AKTIP: variants seen among roughly 807,000 people sequenced by gnomAD.
The protein encoded by AKTIP is AKT interacting protein, also known as AKT-interacting protein.
A neutral mutation model predicts 39.1 loss-of-function variants in AKTIP; 16 were observed. The ratio of observed to expected loss-of-function variants is 0.41; its 90% confidence interval spans 0.28 to 0.62. The LOEUF (loss-of-function observed/expected upper bound fraction) is 0.62, where lower values mean the gene tolerates loss of function less well. Among genes scored for constraint, AKTIP ranks in the 20% least tolerant of loss-of-function variants. The probability of loss-of-function intolerance (pLI) is 0.32; values close to 1 mark genes in which losing one functional copy is unlikely to be tolerated. For synonymous variants in AKTIP, 93 were observed against 124.3 expected (o/e 0.75, Z 1.67); for missense variants, 262 against 356.6 (o/e 0.73, Z 2.14).
intron 8 of AKTIP, chr16:53,493,838 A>G (rs970473425): frequency 3.0e-5 from 10 of 331,374 alleles, no homozygotes; most frequent in Non-Finnish European, 5.6e-5. Flanking sequence ...TCCAGCTAAA[A>G]CTGCCAGCTG....
At chr16:53,503,770 G>A (rs919203810), upstream of AKTIP, among the ~76,000 whole-genome samples, 3 of 152,350 alleles carry the variant, frequency 2.0e-5, no homozygotes, top group Non-Finnish European at 4.4e-5. Flanking sequence ...AGGCCGCCAC[G>A]TCGGGCCCAC....
intron 2 of AKTIP, among the ~76,000 whole-genome samples, chr16:53,499,450 T>TTG (rs1491583969): frequency 0.015 from 601 of 39,554 alleles, 2 homozygotes; most frequent in African/African-American, 0.11. Context: ...GAGATTATAG[T>TTG]TTTTTTTTTT....
At chr16:53,495,420 C>G in intron 3 of AKTIP, 94 bp from the exon 4 acceptor site, 1 of 1,196,506 alleles carries the variant, frequency 8.4e-7, no homozygotes, top group Non-Finnish European at 1.2e-6. Context: ...TGAACGGCCC[C>G]TCAATGGGCA....
chr16:53,491,092 C>T lies in AKTIP; in HGVS notation c.*1320G>A, dbSNP rs1182062349. On this transcript the variant is annotated 3_prime_UTR_variant, in exon 10 of 10. Coordinates refer to ENST00000394657, the MANE Select transcript of AKTIP (RefSeq NM_022476.4). ...TTTATATTTTTTTAAAATGTTAAAA[C>T]CCCTATAGCCACCTTTTGGGAATGT... 1.3e-5 allele frequency: 2 copies of T among 152,536 alleles called. No homozygotes were observed. Among genetic ancestry groups the T allele is most frequent in the Non-Finnish European group, 2.9e-5 (2 of 68,032 alleles). 9.4% of individuals were successfully genotyped at this position (152,536 alleles called of 1,614,324 possible). A position where few individuals can be genotyped will look rare whatever the true frequency, so the allele number is the denominator to read the frequency against.
At chr16:53,495,428 G>A (rs901468120) in intron 3 of AKTIP, 102 bp from the exon 4 acceptor site, 12 of 1,077,390 alleles carry the variant, frequency 1.1e-5, no homozygotes, top group African/African-American at 3.1e-5. Flanking sequence ...CCCTCAATGG[G>A]CAGCTGATGC....
At position 53,492,022 on chromosome 16, in the gene AKTIP, T is replaced by C; in HGVS notation, c.*390A>G. 5.8e-6 allele frequency: 1 copy of C among 171,618 alleles called. No homozygotes were observed. The highest frequency in any genetic ancestry group is 1.4e-4 in the South Asian group (1 of 7,034). The allele number at this position is 171,618 out of a possible 1,614,324, so 10.6% of individuals were successfully genotyped here. On this transcript the variant is annotated 3_prime_UTR_variant, in exon 10 of 10. Coordinates refer to ENST00000394657, the MANE Select transcript of AKTIP (RefSeq NM_022476.4). ...TGAGCTATGGAACCTGCTCTCTCTA[T>C]ACCTCTCCATTTCCTAACATATATA...
intron 2 of AKTIP, among the ~76,000 whole-genome samples, chr16:53,499,582 C>T (rs995791969): frequency 2.6e-5 from 4 of 151,716 alleles, no homozygotes; most frequent in African/African-American, 9.7e-5. Flanking sequence ...GCCTCAGCTT[C>T]CTGAGAAGCT....
rs1329674539 is a variant in AKTIP, at chr16:53,492,021, A to G, written c.*391T>C. ...CTGAGCTATGGAACCTGCTCTCTCT[A>G]TACCTCTCCATTTCCTAACATATAT... On this transcript the variant is annotated 3_prime_UTR_variant, in exon 10 of 10. Transcript: ENST00000394657. 1 of 170,652 alleles carries G rather than the reference A, an allele frequency of 5.9e-6. No individual in the cohort carries two copies. The highest frequency in any genetic ancestry group is 1.3e-5 in the Non-Finnish European group (1 of 78,770). 10.6% of individuals were successfully genotyped at this position (170,652 alleles called of 1,614,324 possible). A position where few individuals can be genotyped will look rare whatever the true frequency, so the allele number is the denominator to read the frequency against.
intron 3 of AKTIP, among the ~76,000 whole-genome samples, chr16:53,497,509 A>T (rs922113608): frequency 2.0e-5 from 3 of 152,150 alleles, no homozygotes; most frequent in Admixed American, 6.5e-5. Context: ...AAACTTCTCC[A>T]GTTCCTTCAA....
chr16:53,492,485 A>G lies in AKTIP; in HGVS notation c.806T>C (p.Val269Ala). Residue 269 changes from valine (V) to alanine (A), a missense_variant, in exon 10 of 10, where the codon GTT becomes GCT. By Grantham distance (64) the Val-to-Ala change is moderately conservative. Around this residue, in one of 4 missense-constraint regions of AKTIP, gnomAD observed 145 missense variants for 159.3 expected, o/e 0.91. Transcript: ENST00000394657. ...AGGCTTTACCCATGACAGGCCAGCA[A>G]CATGAACACTTTTATTGTGCTGTTC... Reference protein sequence around the residue: ...PEEQHNKSVHVAGLSWVKPGS... With the variant: ...PEEQHNKSVHAAGLSWVKPGS... 1 of 1,614,068 alleles carries G rather than the reference A, an allele frequency of 6.2e-7. No individual in the cohort carries two copies. The highest frequency in any genetic ancestry group is 1.1e-5 in the South Asian group (1 of 91,074).
intron 3 of AKTIP, among the ~76,000 whole-genome samples, chr16:53,497,506 T>A (rs569359927): frequency 1.4e-4 from 21 of 152,180 alleles, no homozygotes; most frequent in Non-Finnish European, 2.4e-4. Flanking sequence ...AGAAAACTTC[T>A]CCAGTTCCTT....
rs780542090 is a variant in AKTIP at position 53,492,738 on chromosome 16, A to G, written c.726T>C (p.Asn242=). The G allele has an allele frequency of 6.2e-7, 1 of 1,614,014 alleles. No individual in the cohort carries two copies. Among genetic ancestry groups the G allele is most frequent in the Non-Finnish European group, 8.5e-7 (1 of 1,179,920 alleles). Residue 242 remains asparagine, a synonymous_variant, in exon 9 of 10, where the codon AAT becomes AAC. Coordinates refer to ENST00000394657, the MANE Select transcript of AKTIP (RefSeq NM_022476.4). ...DPYAISFSPW[N]PSVHDEAREK... ...CTCTGGCTTCATCATGTACAGAAGGATTCCATGGAGAAAAGCTTAAGGAAG... is the reference window on the plus strand; with the variant it reads ...CTCTGGCTTCATCATGTACAGAAGGGTTCCATGGAGAAAAGCTTAAGGAAG...
chr16:53,494,325 CAA>C lies in AKTIP; in HGVS notation c.602+12_602+13del, dbSNP rs1370197111. The C allele has an allele frequency of 6.2e-7, 1 of 1,613,408 alleles. No homozygotes were observed. The highest frequency in any genetic ancestry group is 8.5e-7 in the Non-Finnish European group (1 of 1,179,596). On this transcript the variant is annotated intron_variant, in intron 7 of 9. Coordinates refer to ENST00000394657, the MANE Select transcript of AKTIP (RefSeq NM_022476.4). Reference sequence around the variant, plus strand: ...TTCAAATTTATTTTAAATAACAAAGCAAAAGTTACATACAGTACTGCAGCCTC... The same window carrying C: ...TTCAAATTTATTTTAAATAACAAAGCAAGTTACATACAGTACTGCAGCCTC...
rs1225604572 is a variant in AKTIP at position 53,492,768 on chromosome 16, A to G, written c.711-15T>C. ...ATGGAGAAAAGCTTAAGGAAGAGAA[A>G]AGTATTTAAAAACTATTTGTTGGCT... On this transcript the variant is annotated splice_polypyrimidine_tract_variant and intron_variant, in intron 8 of 9. Transcript: ENST00000394657. 1.2e-6 allele frequency: 2 copies of G among 1,610,122 alleles called. No homozygotes were observed. The highest frequency in any genetic ancestry group is 2.7e-5 in the African/African-American group (2 of 74,696).
At position 53,494,317 on chromosome 16, in the gene AKTIP, TAAC is replaced by T. The variant is rs1567756731; in HGVS notation, c.602+19_602+21del. 1 of 1,613,184 alleles carries T rather than the reference TAAC, an allele frequency of 6.2e-7. No individual in the cohort carries two copies. The highest frequency in any genetic ancestry group is 8.5e-7 in the Non-Finnish European group (1 of 1,179,458). ...GCTGCATCTTCAAATTTATTTTAAATAACAAAGCAAAAGTTACATACAGTACTG... is the reference window on the plus strand; with the variant it reads ...GCTGCATCTTCAAATTTATTTTAAATAAAGCAAAAGTTACATACAGTACTG... On this transcript the variant is annotated intron_variant, in intron 7 of 9. Coordinates refer to ENST00000394657, the MANE Select transcript of AKTIP (RefSeq NM_022476.4).
chr16:53,498,481 G>A lies in AKTIP; in HGVS notation c.158C>T (p.Pro53Leu), dbSNP rs751715236. 6 of 1,613,968 alleles carry A rather than the reference G, an allele frequency of 3.7e-6. No individual in the cohort carries two copies. Among genetic ancestry groups the A allele is most frequent in the Middle Eastern group, 1.6e-4 (1 of 6,062 alleles). The change falls in exon 3 of 10, where the codon CCT (proline) becomes CTT (leucine). Residue 53 changes from proline (P) to leucine (L), a missense_variant. Pro to Leu is a moderately conservative substitution (Grantham distance 98, BLOSUM62 -3). Coordinates refer to ENST00000394657, the MANE Select transcript of AKTIP (RefSeq NM_022476.4). ...IPKNALPITK[P>L]TSPAPAAQST... is the part of the protein sequence containing the mutation. ...CTGTGCTGCTGGGGCAGGAGATGTA[G>A]GCTTAGTTATGGGCAAAGCATTTTT...
At position 53,495,191 on chromosome 16, in the gene AKTIP, A is replaced by G. The variant is rs1267263565; in HGVS notation, c.314-18T>C. 6.2e-7 allele frequency: 1 copy of G among 1,612,350 alleles called. No individual in the cohort carries two copies. The highest frequency in any genetic ancestry group is 8.5e-7 in the Non-Finnish European group (1 of 1,178,854). ...AAACCACACTGTAGGAAAAAATAAA[A>G]GAGTTAAGGCCTAAATTTGTGTGGG... On this transcript the variant is annotated intron_variant, in intron 4 of 9. Coordinates refer to ENST00000394657, the MANE Select transcript of AKTIP (RefSeq NM_022476.4).
At position 53,491,706 on chromosome 16, in the gene AKTIP, A is replaced by G. The variant is rs1961475812; in HGVS notation, c.*706T>C. ...TTTCCTGCATAAATGGCAAAGAACA[A>G]TCATTTATTGGTTTATTTTGTCTCT... is the stretch of plus-strand genomic sequence containing the variant. On this transcript the variant is annotated 3_prime_UTR_variant, in exon 10 of 10. Coordinates refer to ENST00000394657, the MANE Select transcript of AKTIP (RefSeq NM_022476.4). 1 of 152,648 alleles carries G rather than the reference A, an allele frequency of 6.6e-6. No homozygotes were observed. Among genetic ancestry groups the G allele is most frequent in the Admixed American group, 6.5e-5 (1 of 15,280 alleles). 9.5% of individuals were successfully genotyped at this position (152,648 alleles called of 1,614,324 possible). A position where few individuals can be genotyped will look rare whatever the true frequency, so the allele number is the denominator to read the frequency against.
chr16:53,493,977 CAA>C, intron 8 of AKTIP, 159 bp downstream of exon 8: 1 of 598,828 alleles, frequency 1.7e-6, no homozygotes, highest in South Asian at 2.2e-5. Flanking sequence ...AGAAGAGCCT[CAA>C]GAGGCATCAG....
Sources: allele counts gnomAD v4.1 joint callset (sites outside exome capture counted in the v4.1 genomes callset), GRCh38; gene constraint gnomAD v4.1.1; regional missense constraint gnomAD v4.1.1; transcripts MANE v1.5; gene names NCBI Gene and HGNC (gene_info 2026-07-23, HGNC 2026-07-21).